The following GSTM4 variants were observed in gnomAD, a reference collection of about 807,000 sequenced individuals.
GSTM4 encodes the protein glutathione S-transferase mu 4, also known as GST class-mu 4.
In GSTM4, 27 loss-of-function variants were observed where a neutral mutation model predicts 30.1. That is an observed-to-expected ratio of 0.90 (90% CI 0.66 to 1.24). The LOEUF is 1.24. Among genes scored for constraint, GSTM4 ranks in the 50% most tolerant of loss-of-function variants. The pLI is 0.00. For synonymous variants in GSTM4, 94 were observed against 96.2 expected (o/e 0.98, Z 0.13); for missense variants, 238 against 272.1 (o/e 0.87, Z 0.88).
At chr1:109,657,415 C>G in intron 3 of GSTM4, 136 bp downstream of exon 3, 1 of 1,412,980 alleles carries the variant, frequency 7.1e-7, no homozygotes, top group Non-Finnish European at 1.0e-6. Flanking sequence ...CTACACAGCC[C>G]CTGCATGATG....
At chr1:109,662,776 T>C (rs1003261617), downstream of GSTM4, among the ~76,000 whole-genome samples, 5 of 152,222 alleles carry the variant, frequency 3.3e-5, no homozygotes, top group African/African-American at 1.2e-4. Context: ...ACTGGAACTG[T>C]CATGCATTGC....
chr1:109,661,114 C>A, intron 7 of GSTM4, 51 bp from the exon 8 acceptor site: 2 of 1,603,846 alleles, frequency 1.2e-6, no homozygotes, highest in Non-Finnish European at 1.7e-6. Flanking sequence ...GTTGTCCCAG[C>A]CCTCATGGGC....
downstream of GSTM4, among the ~76,000 whole-genome samples, chr1:109,662,688 AC>A (rs2101232818): frequency 6.6e-6 from 1 of 152,286 alleles, no homozygotes; most frequent in East Asian, 1.9e-4. Flanking sequence ...AAAGTTAAAA[AC>A]CCATAAGATC....
chr1:109,659,282 C>T, intron 7 of GSTM4, 172 bp downstream of exon 7: 5 of 1,588,748 alleles, frequency 3.1e-6, no homozygotes, highest in Non-Finnish European at 3.4e-6. Flanking sequence ...TTGAAATTTC[C>T]AACATTCCTA....
rs1418406252 is a variant in GSTM4 at position 109,661,160 on chromosome 1, C to T, written c.568-5C>T. The T allele has an allele frequency of 4.3e-6, 7 of 1,612,920 alleles. No individual in the cohort carries two copies. The South Asian group carries it at 7.7e-5, about 18-fold the overall frequency. ...GAGTTCTGGCCTTATTTTCCCCCCT[C>T]TCAGGGCTTGGAGAAGATCTCTGCC... On this transcript the variant is annotated splice_polypyrimidine_tract_variant and splice_region_variant and intron_variant, in intron 7 of 7. Coordinates refer to ENST00000369836, the MANE Select transcript of GSTM4 (RefSeq NM_000850.5).
At position 109,659,100 on chromosome 1, in the gene GSTM4, C is replaced by G. The variant is rs768602331; in HGVS notation, c.557C>G (p.Ser186Cys). 1 of 1,614,224 alleles carries G rather than the reference C, an allele frequency of 6.2e-7. No individual in the cohort carries two copies. The highest frequency in any genetic ancestry group is 1.1e-5 in the South Asian group (1 of 91,088). ...TTTCCAAATCTGAAGGACTTCATCTCCCGCTTTGAGGTGATGCCCCCATCC... is the reference window on the plus strand; with the variant it reads ...TTTCCAAATCTGAAGGACTTCATCTGCCGCTTTGAGGTGATGCCCCCATCC... Reference protein sequence around the residue: ...DAFPNLKDFISRFEGLEKISA... With the variant: ...DAFPNLKDFICRFEGLEKISA... The change falls in exon 7 of 8, where the codon TCC (serine) becomes TGC (cysteine). Residue 186 changes from serine to cysteine, a missense_variant. Coordinates refer to ENST00000369836, the MANE Select transcript of GSTM4 (RefSeq NM_000850.5).
chr1:109,662,817 G>A (rs1035100383), downstream of GSTM4, among the ~76,000 whole-genome samples: 1 of 152,218 alleles, frequency 6.6e-6, no homozygotes, highest in Admixed American at 6.5e-5. Context: ...AATACTGGCA[G>A]TGTCAACTAG....
chr1:109,663,873 C>A (rs2101234360), downstream of GSTM4, among the ~76,000 whole-genome samples: 1 of 152,348 alleles, frequency 6.6e-6, no homozygotes, highest in Non-Finnish European at 1.5e-5. Flanking sequence ...CTAGGACAGT[C>A]CCTGAGCATA....
At chr1:109,666,964 C>G (rs1266453792), downstream of GSTM4, among the ~76,000 whole-genome samples, 1 of 152,074 alleles carries the variant, frequency 6.6e-6, no homozygotes, top group East Asian at 1.9e-4. Context: ...TTCTTCACCT[C>G]AGCAGTACTG....
Position 109,656,961 on chromosome 1 carries a change from C to T in GSTM4, c.112+174C>T, listed in dbSNP as rs746877053. ...GGCCTTGCAAGGCAGAATGCTGGGG[C>T]GGGATGCTGGGCCCCCTGTTTAATT... On this transcript the variant is annotated intron_variant, in intron 2 of 7. Coordinates refer to ENST00000369836, the MANE Select transcript of GSTM4 (RefSeq NM_000850.5). 8.2e-5 allele frequency: 67 copies of T among 817,018 alleles called. No homozygotes were observed. The highest frequency in any genetic ancestry group is 5.4e-4 in the African/African-American group (32 of 59,166). 50.6% of individuals were successfully genotyped at this position (817,018 alleles called of 1,614,324 possible).
downstream of GSTM4, chr1:109,664,894 A>T: frequency 1.9e-6 from 2 of 1,045,162 alleles, no homozygotes; most frequent in Non-Finnish European, 3.0e-6. Context: ...CTCTCTGTTT[A>T]CCCATTCTCT....
chr1:109,666,026 G>T (rs942929761), downstream of GSTM4, among the ~76,000 whole-genome samples: 1 of 152,168 alleles, frequency 6.6e-6, no homozygotes, highest in Non-Finnish European at 1.5e-5. Flanking sequence ...ATTGCAAATT[G>T]GCATTGACTT....
At chr1:109,657,530 A>T (rs113936771) in intron 3 of GSTM4, 60 bp from the exon 4 acceptor site, 1 of 1,610,872 alleles carries the variant, frequency 6.2e-7, no homozygotes, top group African/African-American at 1.3e-5. Flanking sequence ...TGCATATGGG[A>T]AGGGGATGCT....
chr1:109,658,064 A>T, intron 5 of GSTM4, 192 bp downstream of exon 5: 1 of 597,382 alleles, frequency 1.7e-6, no homozygotes, highest in East Asian at 2.8e-5. Flanking sequence ...AGGAAGTCCT[A>T]TGAAAGCTAG....
At chr1:109,664,879 T>C, downstream of GSTM4, 3 of 909,954 alleles carry the variant, frequency 3.3e-6, no homozygotes, top group Non-Finnish European at 5.5e-6. Context: ...ATCTCCTGTA[T>C]AAAACTCTCT....
At chr1:109,660,328 G>C (rs1264401904) in intron 7 of GSTM4, 1 of 153,554 alleles carries the variant, frequency 6.5e-6, no homozygotes, top group Non-Finnish European at 1.4e-5. Flanking sequence ...GAAATTACAC[G>C]GCTATTTGAT....
At chr1:109,660,777 T>C (rs1652274410) in intron 7 of GSTM4, 2 of 243,366 alleles carry the variant, frequency 8.2e-6, no homozygotes, top group African/African-American at 4.5e-5. Flanking sequence ...GTTGCAGCTC[T>C]GTCCCCCTTA....
chr1:109,658,807 G>A lies in GSTM4; in HGVS notation c.361-7G>A, dbSNP rs751360048. 2 of 1,606,604 alleles carry A rather than the reference G, an allele frequency of 1.2e-6. No individual in the cohort carries two copies. Among genetic ancestry groups the A allele is most frequent in the Non-Finnish European group, 1.7e-6 (2 of 1,173,144 alleles). ...CTGAGGGTGGTGACAGCTGTTTTCT[G>A]CCTCAGGAGAAACTGAAGCCAGAAT... is the stretch of plus-strand genomic sequence containing the variant. On this transcript the variant is annotated splice_polypyrimidine_tract_variant and splice_region_variant and intron_variant, in intron 5 of 7. Transcript: ENST00000369836.
downstream of GSTM4, chr1:109,661,770 C>A: frequency 1.0e-6 from 1 of 956,884 alleles, no homozygotes; most frequent in Non-Finnish European, 1.3e-6. Flanking sequence ...TTCTGAGGGA[C>A]TGGCTGGTGA....
Sources: allele counts gnomAD v4.1 joint callset (sites outside exome capture counted in the v4.1 genomes callset), GRCh38; gene constraint gnomAD v4.1.1; transcripts MANE v1.5; gene names NCBI Gene and HGNC (gene_info 2026-07-23, HGNC 2026-07-21).